The following ATIC variants were observed in gnomAD, a reference collection of about 807,000 sequenced individuals.
ATIC encodes bifunctional purine biosynthesis protein ATIC.
ATIC carries 64 observed loss-of-function variants against 72.5 expected under a neutral mutation model. That is an observed-to-expected ratio of 0.88 (90% CI 0.72 to 1.09). ATIC has a LOEUF of 1.09. ATIC is among the 50% of genes least tolerant of loss of function. The pLI is 0.00. For synonymous variants in ATIC, 281 were observed against 267.1 expected (o/e 1.05, Z -0.51); for missense variants, 787 against 732.4 (o/e 1.07, Z -0.86).
At chr2:215,327,862 C>T (rs996503524) in intron 7 of ATIC, among the ~76,000 whole-genome samples, 1 of 149,648 alleles carries the variant, frequency 6.7e-6, no homozygotes, top group African/African-American at 2.5e-5. Context: ...TCACGTTTGC[C>T]GCGTTCTATT....
At chr2:215,340,159 C>G (rs953777601) in intron 12 of ATIC, among the ~76,000 whole-genome samples, 4 of 152,044 alleles carry the variant, frequency 2.6e-5, no homozygotes, top group Non-Finnish European at 5.9e-5. Context: ...GGCTTGTGCT[C>G]TTTGTTACCT....
At chr2:215,332,756 A>G (rs184328612) in intron 8 of ATIC, among the ~76,000 whole-genome samples, 153 of 152,294 alleles carry the variant, frequency 1.0e-3, no homozygotes, top group Non-Finnish European at 1.5e-3. Context: ...TTAGAAAATA[A>G]AAGTGAAATG....
chr2:215,336,035 G>A lies in ATIC; in HGVS notation c.1009G>A (p.Val337Ile). Residue 337 changes from valine (V) to isoleucine (I), a missense_variant and splice_region_variant, in exon 11 of 16, where the codon GTA becomes ATA. Val to Ile is a conservative substitution (Grantham distance 29, BLOSUM62 3). Transcript: ENST00000236959. The part of the protein sequence containing the change: ...VPTAKIISRE[V>I]SDGIIAPGYE... ...AAATTAAAATTTAATATTTTTGCAG[G>A]TATCTGATGGTATAATTGCCCCAGG... 1.9e-6 allele frequency: 3 copies of A among 1,603,588 alleles called. No individual in the cohort carries two copies. The highest frequency in any genetic ancestry group is 2.6e-6 in the Non-Finnish European group (3 of 1,172,540).
At chr2:215,343,587 TG>T (rs1317560280) in intron 12 of ATIC, among the ~76,000 whole-genome samples, 1 of 152,282 alleles carries the variant, frequency 6.6e-6, no homozygotes, top group African/African-American at 2.4e-5. Flanking sequence ...CCACCCGCCT[TG>T]GCCTCCCAAA....
At chr2:215,316,695 A>T (rs757609542) in intron 2 of ATIC, among the ~76,000 whole-genome samples, 1 of 152,358 alleles carries the variant, frequency 6.6e-6, no homozygotes, top group Non-Finnish European at 1.5e-5. Context: ...TTTTATAAGC[A>T]TGTACTTTAT....
intron 14 of ATIC, chr2:215,347,238 C>G: frequency 2.4e-6 from 1 of 420,274 alleles, no homozygotes. Flanking sequence ...CTTTTGATGA[C>G]AAGGACTGCT....
Position 215,349,183 on chromosome 2 carries a change from G to A in ATIC, c.1593G>A (p.Leu531=). 1 of 1,614,134 alleles carries A rather than the reference G, an allele frequency of 6.2e-7. No homozygotes were observed. Residue 531 remains leucine (L), a synonymous_variant, in exon 15 of 16, where the codon CTG becomes CTA. Transcript: ENST00000236959. ...EAEKKEWVEK[L]TEVSISSDAF... is the part of the protein sequence containing the mutation. ...AGAAGAAGGAATGGGTTGAGAAACT[G>A]ACTGAAGTTTCTATCAGCTCTGATG...
chr2:215,352,651 G>T (rs2053139512), downstream of ATIC, among the ~76,000 whole-genome samples: 2 of 151,940 alleles, frequency 1.3e-5, no homozygotes, highest in Admixed American at 1.3e-4. Flanking sequence ...CCACATTCAA[G>T]TATCATACTA....
intron 7 of ATIC, among the ~76,000 whole-genome samples, chr2:215,328,580 A>T (rs1204748828): frequency 6.6e-6 from 1 of 151,776 alleles, no homozygotes; most frequent in African/African-American, 2.4e-5. Flanking sequence ...TTCAGGCCTC[A>T]CCTCCTCAGA....
At chr2:215,325,952 C>T in intron 5 of ATIC, 35 bp from the exon 6 acceptor site, 1 of 1,611,376 alleles carries the variant, frequency 6.2e-7, no homozygotes, top group Non-Finnish European at 8.5e-7. Flanking sequence ...CTGATAGGGA[C>T]ATACAAAAAT....
intron 9 of ATIC, 25 bp downstream of exon 9, chr2:215,333,482 T>G (rs754295910): frequency 1.0e-5 from 16 of 1,592,254 alleles, no homozygotes; most frequent in Non-Finnish European, 1.3e-5. Flanking sequence ...GCTTTTTGAT[T>G]TGGGGGAGAA....
At chr2:215,324,042 G>A (rs759750128) in intron 4 of ATIC, among the ~76,000 whole-genome samples, 34 of 151,666 alleles carry the variant, frequency 2.2e-4, no homozygotes, top group Non-Finnish European at 3.8e-4. Flanking sequence ...GATTGCAGGC[G>A]TGCGCCACCT....
At chr2:215,335,083 C>A in intron 10 of ATIC, 79 bp downstream of exon 10, 1 of 841,516 alleles carries the variant, frequency 1.2e-6, no homozygotes, top group Non-Finnish European at 1.8e-6. Flanking sequence ...AAACCATAAC[C>A]TATAATATTT....
chr2:215,335,222 T>C (rs1374402554), intron 10 of ATIC, among the ~76,000 whole-genome samples: 3 of 152,226 alleles, frequency 2.0e-5, no homozygotes, highest in East Asian at 3.8e-4. Flanking sequence ...TTGGCTGTTA[T>C]GATGTTTTTT....
the ATIC span, chr2:215,361,560 CT>C: frequency 6.2e-7 from 1 of 1,601,856 alleles, no homozygotes; most frequent in South Asian, 1.1e-5. Flanking sequence ...ATGATTTACT[CT>C]CGGGAATCTT....
At chr2:215,332,171 TGTG>T (rs1294920898) in intron 7 of ATIC, among the ~76,000 whole-genome samples, 8 of 146,876 alleles carry the variant, frequency 5.4e-5, no homozygotes, top group Admixed American at 2.0e-4. Flanking sequence ...TGTGTGTGTG[TGTG>T]TTCATGTACA....
chr2:215,363,188 A>G, the ATIC span: 2 of 152,156 alleles, frequency 1.3e-5, no homozygotes, highest in Non-Finnish European at 2.9e-5. Flanking sequence ...CCTGTCTTAA[A>G]TGTTTCATTT....
the ATIC span, chr2:215,364,605 T>C: frequency 1.9e-6 from 1 of 532,346 alleles, no homozygotes; most frequent in Admixed American, 3.1e-5. Context: ...ATGACAGGTG[T>C]TGCTATTAAG....
the ATIC span, chr2:215,362,031 C>T: frequency 1.5e-5 from 25 of 1,613,898 alleles, no homozygotes; most frequent in Admixed American, 3.3e-5. Flanking sequence ...GTAGTGCCTT[C>T]GGGACTGGGT....
Sources: gnomAD v4.1 joint callset for allele counts (sites outside exome capture counted in the v4.1 genomes callset) on GRCh38, gnomAD v4.1.1 for gene constraint, MANE v1.5 for transcripts, NCBI Gene and HGNC (gene_info 2026-07-23, HGNC 2026-07-21) for gene names.